The following CNST variants were observed in gnomAD, a reference collection of about 807,000 sequenced individuals.
CNST encodes the protein consortin, connexin sorting protein, also known as consortin.
In CNST, 39 loss-of-function variants were observed where a neutral mutation model predicts 72.4. The observed-to-expected ratio is 0.54, with a 90% CI of 0.42 to 0.70. The LOEUF is 0.70. CNST is among the 30% of genes least tolerant of loss of function. The probability of loss-of-function intolerance (pLI) is 0.00; values close to 1 mark genes in which losing one functional copy is unlikely to be tolerated. For missense variants in CNST, 871 were observed against 868.5 expected (o/e 1.00, Z -0.04); for synonymous variants, 332 against 320.1 (o/e 1.04, Z -0.40).
rs58577110 is a variant in CNST at position 246,649,161 on chromosome 1, G to GT, written c.1836+1139dup. Reference sequence around the variant, plus strand: ...TTAATTCTCTACAGACTGTTGTTTTGTTTTTTTTTTTTTTTCGTAGTTTTT... The same window carrying GT: ...TTAATTCTCTACAGACTGTTGTTTTGTTTTTTTTTTTTTTTTCGTAGTTTTT... On this transcript the variant is annotated intron_variant, in intron 9 of 10. Coordinates refer to ENST00000366513, the MANE Select transcript of CNST (RefSeq NM_152609.3). Among the ~76,000 whole-genome samples the GT allele has an allele frequency of 5.0e-3, 675 of 134,376 alleles. 5 individuals are homozygous for GT. Among genetic ancestry groups the GT allele is most frequent in the African/African-American group, 0.017 (638 of 36,488 alleles). The allele number at this position is 134,376 out of a possible 152,430, so 88.2% of individuals were successfully genotyped here.
intron 3 of CNST, among the ~76,000 whole-genome samples, chr1:246,631,009 G>A (rs1664743700): frequency 6.6e-6 from 1 of 152,060 alleles, no homozygotes; most frequent in South Asian, 2.1e-4. Context: ...GCCTCCCAAA[G>A]CGCTGGGATT....
At chr1:246,655,725 G>T (rs1436415732) in intron 9 of CNST, among the ~76,000 whole-genome samples, 1 of 152,188 alleles carries the variant, frequency 6.6e-6, no homozygotes, top group East Asian at 1.9e-4. Flanking sequence ...GAACTGGCAA[G>T]AGGTTTGATA....
intron 3 of CNST, among the ~76,000 whole-genome samples, chr1:246,629,530 C>T (rs553779854): frequency 9.2e-5 from 14 of 152,126 alleles, no homozygotes; most frequent in African/African-American, 3.1e-4. Flanking sequence ...GTTATGGACC[C>T]CATCAAAACT....
intron 2 of CNST, among the ~76,000 whole-genome samples, chr1:246,621,015 G>A (rs992238994): frequency 1.3e-5 from 2 of 152,240 alleles, no homozygotes; most frequent in Non-Finnish European, 2.9e-5. Context: ...ATTTGAACAT[G>A]AATATTAAAA....
intron 6 of CNST, among the ~76,000 whole-genome samples, chr1:246,635,763 C>T (rs1367350160): frequency 1.3e-5 from 2 of 152,174 alleles, no homozygotes; most frequent in Non-Finnish European, 2.9e-5. Flanking sequence ...AGTGCGATAA[C>T]CCCGTGAACC....
chr1:246,641,886 A>C (rs993186411), intron 7 of CNST, 55 bp from the exon 8 acceptor site: 1 of 1,426,024 alleles, frequency 7.0e-7, no homozygotes. Context: ...TCAGCTTCCT[A>C]GTTTAATACA....
intron 3 of CNST, among the ~76,000 whole-genome samples, chr1:246,631,016 G>T (rs1307622449): frequency 6.6e-6 from 1 of 152,158 alleles, no homozygotes; most frequent in Non-Finnish European, 1.5e-5. Flanking sequence ...AAAGCGCTGG[G>T]ATTACAGGCG....
intron 2 of CNST, among the ~76,000 whole-genome samples, chr1:246,617,929 TAGA>T (rs1663808813): frequency 1.3e-5 from 2 of 152,340 alleles, no homozygotes; most frequent in East Asian, 1.9e-4. Context: ...TTGGCAGAGC[TAGA>T]AGAACAACCT....
chr1:246,638,201 T>C (rs890684685), intron 6 of CNST, among the ~76,000 whole-genome samples: 1 of 152,244 alleles, frequency 6.6e-6, no homozygotes, highest in Admixed American at 6.5e-5. Context: ...TTCCTTGATG[T>C]ACCATGGTCC....
At chr1:246,593,824 G>A (rs988289209) in intron 2 of CNST, among the ~76,000 whole-genome samples, 6 of 152,090 alleles carry the variant, frequency 3.9e-5, no homozygotes, top group Admixed American at 2.6e-4. Flanking sequence ...GTGCAGTGGC[G>A]TGACCATGGC....
chr1:246,589,146 G>C (rs1272287545), intron 1 of CNST, among the ~76,000 whole-genome samples: 1 of 151,892 alleles, frequency 6.6e-6, no homozygotes, highest in East Asian at 1.9e-4. Context: ...TTAAGTTTTA[G>C]GGTACATGTG....
At chr1:246,638,164 G>C (rs1665423763) in intron 6 of CNST, among the ~76,000 whole-genome samples, 1 of 152,192 alleles carries the variant, frequency 6.6e-6, no homozygotes, top group Non-Finnish European at 1.5e-5. Context: ...GGCATTGTTT[G>C]AGCATGAGGA....
chr1:246,637,816 A>AGCCCTC (rs1665394983), intron 6 of CNST, among the ~76,000 whole-genome samples: 1 of 152,208 alleles, frequency 6.6e-6, no homozygotes, highest in Non-Finnish European at 1.5e-5. Flanking sequence ...ATACATGATG[A>AGCCCTC]GAGTTTGTAT....
chr1:246,607,519 A>G (rs1178638461), intron 2 of CNST: 1 of 153,858 alleles, frequency 6.5e-6, no homozygotes, highest in African/African-American at 2.4e-5. Context: ...CACGCTGTTT[A>G]AAGAGCGCCT....
chr1:246,621,461 C>G lies in CNST; in HGVS notation c.412C>G (p.Gln138Glu). 6.2e-7 allele frequency: 1 copy of G among 1,613,968 alleles called. No homozygotes were observed. Among genetic ancestry groups the G allele is most frequent in the Middle Eastern group, 1.6e-4 (1 of 6,062 alleles). The change falls in exon 3 of 11, where the codon CAA becomes GAA. Residue 138 changes from glutamine (Q) to glutamate (E), a missense_variant. By Grantham distance (29) the Gln-to-Glu change is conservative. Transcript: ENST00000366513. ...LFSGDIAPLM[Q>E]EKVLSAVTYA... ...TTCAGGAGATATTGCACCTTTAATG[C>G]AAGAAAAAGTACTAAGCGCAGTCAC...
rs753829401 is a variant in CNST at position 246,591,837 on chromosome 1, G to C, written c.275G>C (p.Cys92Ser). ...GGTGAGAACTTGCAAAACACCCTTTGTGAAGCCTCCAGAGATGAACAGGCC... is the reference window on the plus strand; with the variant it reads ...GGTGAGAACTTGCAAAACACCCTTTCTGAAGCCTCCAGAGATGAACAGGCC... ...AAGENLQNTL[C>S]EASRDEQAFL... The change falls in exon 2 of 11, where the codon TGT (cysteine) becomes TCT (serine). Residue 92 changes from cysteine to serine, a missense_variant. Transcript: ENST00000366513. The C allele has an allele frequency of 1.2e-6, 2 of 1,613,908 alleles. No homozygotes were observed. Among genetic ancestry groups the C allele is most frequent in the Non-Finnish European group, 1.7e-6 (2 of 1,180,000 alleles).
At chr1:246,567,506 A>T (rs1302555713) in intron 1 of CNST, among the ~76,000 whole-genome samples, 1 of 152,182 alleles carries the variant, frequency 6.6e-6, no homozygotes, top group Non-Finnish European at 1.5e-5. Context: ...GAATACGTAC[A>T]ATCCTTTCTG....
At chr1:246,626,915 C>A (rs1331106096) in intron 3 of CNST, among the ~76,000 whole-genome samples, 1 of 152,194 alleles carries the variant, frequency 6.6e-6, no homozygotes, top group Non-Finnish European at 1.5e-5. Flanking sequence ...AACTTCGTCC[C>A]TCTAGTTGCT....
Position 246,665,954 on chromosome 1 carries a change from A to C in CNST, c.*49A>C. ...TGGCAGTGAGAGTGAAAGGCGGGAG[A>C]CTTTCTAAACAGTTTTTCTTTCAGG... On this transcript the variant is annotated 3_prime_UTR_variant, in exon 11 of 11. Transcript: ENST00000366513. The C allele has an allele frequency of 7.6e-7, 1 of 1,316,032 alleles. No homozygotes were observed. The highest frequency in any genetic ancestry group is 1.1e-6 in the Non-Finnish European group (1 of 925,108). 81.5% of individuals were successfully genotyped at this position (1,316,032 alleles called of 1,614,324 possible).
Sources: allele counts gnomAD v4.1 joint callset (sites outside exome capture counted in the v4.1 genomes callset), GRCh38; gene constraint gnomAD v4.1.1; transcripts MANE v1.5; gene names NCBI Gene and HGNC (gene_info 2026-07-23, HGNC 2026-07-21).